The following WWOX variants were observed in gnomAD, a reference collection of about 807,000 sequenced individuals.
WWOX encodes WW domain containing oxidoreductase.
Under a neutral mutation model 46.2 loss-of-function variants are expected in WWOX, and 69 were observed. That is an observed-to-expected ratio of 1.49 (90% CI 1.23 to 1.82). The LOEUF (loss-of-function observed/expected upper bound fraction) is 1.82, where lower values mean the gene tolerates loss of function less well. Among genes scored for constraint, WWOX ranks in the 40% most tolerant of loss-of-function variants. The pLI, the probability that WWOX is intolerant of heterozygous loss-of-function variation, is 0.00. For synonymous variants in WWOX, 359 were observed against 202.6 expected, an observed-to-expected ratio of 1.77 and a Z score of -6.56; for missense variants, 919 against 542.6, an observed-to-expected ratio of 1.69 and a Z score of -6.89.
At chr16:78,111,323 T>C (rs539387492) in intron 3 of WWOX, among the ~76,000 whole-genome samples, 261 of 152,350 alleles carry the variant, frequency 1.7e-3, no homozygotes, top group Non-Finnish European at 2.4e-3. Flanking sequence ...TGGACAATTA[T>C]CAATCATTAC....
intron 8 of WWOX, among the ~76,000 whole-genome samples, chr16:78,894,020 T>TTTATTATTGTTA (rs2044647732): frequency 7.1e-6 from 1 of 140,080 alleles, no homozygotes. Context: ...TATTGAGGCT[T>TTTATTATTGTTA]TTATTATTAT....
chr16:78,232,837 C>CTTTCT (rs5818120), intron 5 of WWOX, among the ~76,000 whole-genome samples: 100,074 of 150,188 alleles, frequency 0.67, 33,524 homozygotes, highest in East Asian at 0.78. Flanking sequence ...TTTTCTTTTT[C>CTTTCT]TTTCTTTTCT....
chr16:78,918,926 G>C lies in WWOX; in HGVS notation c.1057-292682G>C, dbSNP rs146908488. On this transcript the variant is annotated intron_variant, in intron 8 of 8. Coordinates refer to ENST00000566780, the MANE Select transcript of WWOX (RefSeq NM_016373.4). Reference sequence around the variant, plus strand: ...CCAAGAACACAGAGGAGTTGTTATTGTGGTTACTTGTGGTAAGAAGAGTAC... The same window carrying C: ...CCAAGAACACAGAGGAGTTGTTATTCTGGTTACTTGTGGTAAGAAGAGTAC... Among the ~76,000 whole-genome samples, 1,019 of 152,204 alleles carry C rather than the reference G, an allele frequency of 6.7e-3. 10 individuals carry two copies. Among genetic ancestry groups the C allele is most frequent in the African/African-American group, 0.024 (985 of 41,512 alleles).
intron 8 of WWOX, among the ~76,000 whole-genome samples, chr16:79,001,024 A>T (rs892711410): frequency 6.6e-6 from 1 of 152,190 alleles, no homozygotes; most frequent in African/African-American, 2.4e-5. Context: ...GTATTTGCAG[A>T]GTGAGTGAAT....
At chr16:78,765,856 A>C (rs767427620) in intron 8 of WWOX, among the ~76,000 whole-genome samples, 3 of 152,182 alleles carry the variant, frequency 2.0e-5, no homozygotes, top group Non-Finnish European at 4.4e-5. Context: ...GGGAACAGAG[A>C]GGACAGAGTG....
At chr16:79,066,851 C>A (rs1266384882) in intron 8 of WWOX, among the ~76,000 whole-genome samples, 1 of 152,204 alleles carries the variant, frequency 6.6e-6, no homozygotes, top group Non-Finnish European at 1.5e-5. Flanking sequence ...CTTTCTCAAG[C>A]CTTGGCTGCC....
At chr16:78,375,452 C>T (rs1402810504) in intron 5 of WWOX, among the ~76,000 whole-genome samples, 1 of 152,202 alleles carries the variant, frequency 6.6e-6, no homozygotes, top group African/African-American at 2.4e-5. Flanking sequence ...CATTCATTTT[C>T]TAAATTAAAG....
chr16:78,507,900 C>T (rs376112846), intron 8 of WWOX, among the ~76,000 whole-genome samples: 5 of 152,144 alleles, frequency 3.3e-5, no homozygotes, highest in African/African-American at 1.2e-4. Flanking sequence ...TTGAATGTGG[C>T]CCCATACGTA....
At chr16:78,123,254 T>C (rs1314745356) in intron 4 of WWOX, 1 of 152,030 alleles carries the variant, frequency 6.6e-6, no homozygotes, top group East Asian at 1.9e-4. Flanking sequence ...GGGAGCAGCC[T>C]GTTCTGCCAA....
chr16:78,997,868 G>A (rs1368538498), intron 8 of WWOX, among the ~76,000 whole-genome samples: 4 of 152,040 alleles, frequency 2.6e-5, no homozygotes, highest in Non-Finnish European at 5.9e-5. Flanking sequence ...CTAATGTTTA[G>A]CTTCCAACAT....
At chr16:78,351,717 C>T (rs1009073726) in intron 5 of WWOX, among the ~76,000 whole-genome samples, 6 of 152,094 alleles carry the variant, frequency 3.9e-5, no homozygotes. Flanking sequence ...AATGCAGTGG[C>T]ACGATGTTGG....
chr16:78,177,469 G>C (rs1016952737), intron 5 of WWOX, among the ~76,000 whole-genome samples: 2 of 152,170 alleles, frequency 1.3e-5, no homozygotes, highest in Admixed American at 6.5e-5. Flanking sequence ...CTTTAAAGCA[G>C]GATGGTTGCA....
chr16:78,661,775 G>A (rs899162345), intron 8 of WWOX, among the ~76,000 whole-genome samples: 4 of 152,196 alleles, frequency 2.6e-5, no homozygotes, highest in Non-Finnish European at 5.9e-5. Flanking sequence ...AATGGCTGAC[G>A]CCCGTAATCC....
chr16:78,119,430 GACAT>G lies in WWOX; in HGVS notation c.409+4277_409+4280del, dbSNP rs556866920. Among the ~76,000 whole-genome samples, 226 of 152,250 alleles carry G rather than the reference GACAT, an allele frequency of 1.5e-3. 1 individual carries two copies. The highest frequency in any genetic ancestry group is 5.3e-3 in the African/African-American group (221 of 41,540). On this transcript the variant is annotated intron_variant, in intron 4 of 8. Transcript: ENST00000566780. ...TGCTGCCCCCTGCTACCTGCAGGCT[GACAT>G]GTTGCTCATCAAAGGCAGGATCCTT... is the stretch of plus-strand genomic sequence containing the variant.
chr16:78,964,215 C>A (rs2046324394), intron 8 of WWOX, among the ~76,000 whole-genome samples: 1 of 152,040 alleles, frequency 6.6e-6, no homozygotes, highest in Non-Finnish European at 1.5e-5. Flanking sequence ...GAAGTTAGAA[C>A]CGTTGGGAGG....
At chr16:78,706,703 T>C (rs765975563) in intron 8 of WWOX, among the ~76,000 whole-genome samples, 3 of 152,158 alleles carry the variant, frequency 2.0e-5, no homozygotes, top group Non-Finnish European at 2.9e-5. Context: ...ATCCTTGCAG[T>C]TTCCCTTTTG....
At chr16:78,843,645 T>G (rs957947272) in intron 8 of WWOX, among the ~76,000 whole-genome samples, 1 of 132,658 alleles carries the variant, frequency 7.5e-6, no homozygotes, top group East Asian at 2.1e-4. Flanking sequence ...CAAATCACAC[T>G]CATCGAGGAG....
chr16:78,996,383 C>CT, intron 8 of WWOX: 1 of 735,730 alleles, frequency 1.4e-6, no homozygotes, highest in Non-Finnish European at 1.6e-6. Flanking sequence ...CCCACCCCCG[C>CT]CCCCCAGCTT....
intron 8 of WWOX, among the ~76,000 whole-genome samples, chr16:79,161,829 CACT>C: frequency 6.6e-6 from 1 of 152,274 alleles, no homozygotes; most frequent in Non-Finnish European, 1.5e-5. Context: ...GAGATTTTTT[CACT>C]TTAAGAAATG....
Sources: allele counts gnomAD v4.1 joint callset (sites outside exome capture counted in the v4.1 genomes callset), GRCh38; gene constraint gnomAD v4.1.1; transcripts MANE v1.5; gene names NCBI Gene and HGNC (gene_info 2026-07-23, HGNC 2026-07-21).